CCDC57: variants seen among roughly 807,000 people sequenced by gnomAD.
CCDC57 encodes the protein coiled-coil domain containing 57, also known as coiled-coil domain-containing protein 57.
A neutral mutation model predicts 118.9 loss-of-function variants in CCDC57; 118 were observed. The observed-to-expected ratio is 0.99, with a 90% confidence interval of 0.86 to 1.16. The LOEUF is 1.16. CCDC57 is among the 50% of genes most tolerant of loss of function. CCDC57 has a pLI of 0.00. For missense variants in CCDC57, 1,300 were observed against 1,320.7 expected, an observed-to-expected ratio of 0.98 and a Z score of 0.24; for synonymous variants, 527 against 532.9, an observed-to-expected ratio of 0.99 and a Z score of 0.15.
At position 82,101,635 on chromosome 17, in the gene CCDC57, G is replaced by A. The variant is rs1228792214; in HGVS notation, c.*47C>T. On this transcript the variant is annotated 3_prime_UTR_variant, in exon 20 of 20. Transcript: ENST00000665763. ...ACGTAGGTGAAAGCACAGGCACCAT[G>A]CGGAGGCCCCGAGCACCCCTTAGTG... The A allele has an allele frequency of 2.7e-6, 4 of 1,460,026 alleles. No homozygotes were observed. The African/African-American group carries it at 4.3e-5, about 16-fold the overall frequency. The allele number at this position is 1,460,026 out of a possible 1,614,324, so 90.4% of individuals were successfully genotyped here.
chr17:82,181,825 T>C (rs2046242654), intron 9 of CCDC57, among the ~76,000 whole-genome samples: 1 of 152,022 alleles, frequency 6.6e-6, no homozygotes, highest in Admixed American at 6.6e-5. Flanking sequence ...GAATCAAGAG[T>C]TGAGAACATA....
chr17:82,111,529 C>T (rs1431125665), intron 19 of CCDC57, among the ~76,000 whole-genome samples: 1 of 152,072 alleles, frequency 6.6e-6, no homozygotes, highest in African/African-American at 2.4e-5. Flanking sequence ...CAGACATGTG[C>T]CACCACATCC....
intron 3 of CCDC57, among the ~76,000 whole-genome samples, chr17:82,200,987 T>C (rs991629937): frequency 6.6e-6 from 1 of 152,162 alleles, no homozygotes; most frequent in Non-Finnish European, 1.5e-5. Context: ...AAGTGGGGGA[T>C]GGAAGAGCTT....
exon 8 of CCDC57, chr17:82,188,305 G>T: frequency 1.9e-6 from 3 of 1,600,704 alleles, no homozygotes; most frequent in Non-Finnish European, 2.6e-6. Context: ...TCTCGCAGTG[G>T]GCCTGCAGCT....
chr17:82,176,723 A>G (rs566367147), intron 11 of CCDC57, among the ~76,000 whole-genome samples: 5 of 151,816 alleles, frequency 3.3e-5, no homozygotes, highest in South Asian at 4.2e-4. Context: ...CAACGGTACA[A>G]CTCCCTTTTT....
chr17:82,186,398 C>T (rs770765335), intron 8 of CCDC57, among the ~76,000 whole-genome samples: 3 of 152,196 alleles, frequency 2.0e-5, no homozygotes, highest in Non-Finnish European at 4.4e-5. Flanking sequence ...CTCGGCCGCA[C>T]TACATGGAAA....
intron 19 of CCDC57, among the ~76,000 whole-genome samples, chr17:82,103,085 C>T (rs761925408): frequency 2.6e-5 from 4 of 152,116 alleles, no homozygotes; most frequent in Non-Finnish European, 5.9e-5. Context: ...GTGTGGTCTG[C>T]GTGCAGCCTG....
Position 82,172,510 on chromosome 17 carries a change from G to A in CCDC57, c.1729+128C>T. ...TTTCATACTTTGAGTTTATTACAGG[G>A]GATGTTAACTTATAGGACTCTGAAA... is the stretch of plus-strand genomic sequence containing the variant. On this transcript the variant is annotated intron_variant, in intron 12 of 19. Coordinates refer to ENST00000665763, the Ensembl canonical transcript of CCDC57. The surrounding 1 kb of genome is among the most constrained non-coding windows in gnomAD (Gnocchi z 5.2). 1 of 736,092 alleles carries A rather than the reference G, an allele frequency of 1.4e-6. No homozygotes were observed. The highest frequency in any genetic ancestry group is 2.3e-6 in the Non-Finnish European group (1 of 434,290). 45.6% of individuals were successfully genotyped at this position (736,092 alleles called of 1,614,324 possible). A position where few individuals can be genotyped will look rare whatever the true frequency, so the allele number is the denominator to read the frequency against.
intron 7 of CCDC57, 47 bp from the exon 7 acceptor site, chr17:82,188,466 C>T (rs1433202571): frequency 1.9e-6 from 3 of 1,562,856 alleles, no homozygotes; most frequent in East Asian, 2.3e-5. Flanking sequence ...CCCCCAACAC[C>T]CAGGCCCCAG....
chr17:82,184,027 G>GCACACACACACACACACACACACACACA (rs759711817), intron 8 of CCDC57, 95 bp from the exon 8 acceptor site: 1 of 315,186 alleles, frequency 3.2e-6, no homozygotes, highest in Non-Finnish European at 5.8e-6. Flanking sequence ...GCGCGCGCGC[G>GCACACACACACACACACACACACACACA]CGCGCACACA....
intron 2 of CCDC57, among the ~76,000 whole-genome samples, chr17:82,207,084 C>T (rs1245707160): frequency 6.6e-6 from 1 of 152,166 alleles, no homozygotes; most frequent in Non-Finnish European, 1.5e-5. Context: ...TGACTGGCCC[C>T]GGTTGTCCCA....
chr17:82,158,008 C>T (rs955844980), intron 14 of CCDC57, 60 bp from the exon 14 acceptor site: 1 of 1,510,512 alleles, frequency 6.6e-7, no homozygotes, highest in African/African-American at 1.4e-5. Context: ...GGAGCAGGCC[C>T]CTGGGCACTG....
chr17:82,151,050 CTG>C (rs1248843015), intron 16 of CCDC57, among the ~76,000 whole-genome samples: 1 of 112,626 alleles, frequency 8.9e-6, no homozygotes, highest in Non-Finnish European at 1.8e-5. Context: ...CACCCAGAAC[CTG>C]ACCCGCACCC....
Position 82,193,755 on chromosome 17 carries a change from C to T in CCDC57, c.851+1G>A, listed in dbSNP as rs1173188692. On this transcript the variant is annotated splice_donor_variant, in intron 7 of 19. Coordinates refer to ENST00000665763, the Ensembl canonical transcript of CCDC57. LOFTEE classifies it high-confidence loss of function. The stretch of plus-strand genomic sequence containing the variant: ...ATGATGTTGGGAGCCGAAACACTCA[C>T]TTCCTCTTAAATGTTTCCTCTTCCT... 1.9e-6 allele frequency: 3 copies of T among 1,592,750 alleles called. No individual in the cohort carries two copies. Among genetic ancestry groups the T allele is most frequent in the African/African-American group, 1.3e-5 (1 of 74,724 alleles).
At chr17:82,182,023 C>T (rs1427569335) in intron 9 of CCDC57, among the ~76,000 whole-genome samples, 1 of 152,026 alleles carries the variant, frequency 6.6e-6, no homozygotes, top group Admixed American at 6.5e-5. Flanking sequence ...GAGGCTGACA[C>T]AGGAGAACTG....
exon 8 of CCDC57, chr17:82,188,244 T>C: frequency 6.4e-7 from 1 of 1,558,250 alleles, no homozygotes; most frequent in Non-Finnish European, 8.7e-7. Context: ...TCCTTCTCCT[T>C]GGCGGTGTCA....
intron 19 of CCDC57, among the ~76,000 whole-genome samples, chr17:82,109,551 T>C (rs555493530): frequency 6.6e-6 from 1 of 152,312 alleles, no homozygotes; most frequent in South Asian, 2.1e-4. Flanking sequence ...AATTCTTAGA[T>C]TGAACTTTTT....
At chr17:82,153,043 G>A (rs1392222016) in intron 15 of CCDC57, among the ~76,000 whole-genome samples, 1 of 152,238 alleles carries the variant, frequency 6.6e-6, no homozygotes, top group Non-Finnish European at 1.5e-5. Flanking sequence ...CCCGAGTCCA[G>A]ACTCGCTTCC....
intron 13 of CCDC57, among the ~76,000 whole-genome samples, chr17:82,166,650 G>A (rs1264393619): frequency 1.3e-5 from 2 of 151,848 alleles, no homozygotes; most frequent in Non-Finnish European, 1.5e-5. Flanking sequence ...GCTCATGCCT[G>A]TAATCCAAAC....
Sources: gnomAD v4.1 joint callset for allele counts (sites outside exome capture counted in the v4.1 genomes callset) on GRCh38, gnomAD v4.1.1 for gene constraint, Gnocchi (gnomAD v3.1) non-coding constraint, MANE v1.5 for transcripts, NCBI Gene and HGNC (gene_info 2026-07-23, HGNC 2026-07-21) for gene names.